DACH1: variants seen among roughly 807,000 people sequenced by gnomAD.
DACH1 encodes dachshund homolog 1.
Under a neutral mutation model 54.2 loss-of-function variants are expected in DACH1, and 12 were observed. The observed-to-expected ratio is 0.22, with a 90% CI of 0.14 to 0.36. The LOEUF is 0.36. DACH1 is among the 10% of genes least tolerant of loss of function. The pLI, the probability that DACH1 is intolerant of heterozygous loss-of-function variation, is 1.00. For missense variants in DACH1, 805 were observed against 929.8 expected (o/e 0.87, Z 1.75); for synonymous variants, 386 against 366.2 (o/e 1.05, Z -0.62).
intron 2 of DACH1, among the ~76,000 whole-genome samples, chr13:71,634,690 C>T (rs1173682504): frequency 6.6e-6 from 1 of 152,108 alleles, no homozygotes; most frequent in Non-Finnish European, 1.5e-5. Context: ...TGTACCTGAC[C>T]TTCCCCAATC....
intron 3 of DACH1, among the ~76,000 whole-genome samples, chr13:71,616,782 T>C (rs1018548827): frequency 6.6e-6 from 1 of 151,514 alleles, no homozygotes; most frequent in Non-Finnish European, 1.5e-5. Context: ...TTCAGAATAG[T>C]GTAAAAGTGG....
At chr13:71,839,273 T>C (rs1232660919) in intron 1 of DACH1, among the ~76,000 whole-genome samples, 1 of 152,116 alleles carries the variant, frequency 6.6e-6, no homozygotes, top group Non-Finnish European at 1.5e-5. Flanking sequence ...AAAATGTCAG[T>C]TCATACAGTA....
At chr13:71,595,998 A>T (rs944224332) in intron 3 of DACH1, among the ~76,000 whole-genome samples, 1 of 152,012 alleles carries the variant, frequency 6.6e-6, no homozygotes, top group Non-Finnish European at 1.5e-5. Context: ...CCAAGAACTT[A>T]TTTTTTTAGA....
intron 6 of DACH1, among the ~76,000 whole-genome samples, chr13:71,521,490 A>C (rs937048480): frequency 2.6e-5 from 4 of 152,054 alleles, no homozygotes; most frequent in Non-Finnish European, 4.4e-5. Context: ...ACCTATTTTA[A>C]AACACATTTT....
chr13:71,772,841 T>A (rs1035569346), intron 1 of DACH1, among the ~76,000 whole-genome samples: 1 of 151,782 alleles, frequency 6.6e-6, no homozygotes, highest in East Asian at 1.9e-4. Context: ...GTATGCTGAA[T>A]AAATGAGATC....
chr13:71,718,650 C>T (rs532644483), intron 1 of DACH1, among the ~76,000 whole-genome samples: 1 of 151,350 alleles, frequency 6.6e-6, no homozygotes, highest in South Asian at 2.1e-4. Context: ...AGCTAGATAA[C>T]TTACTCAGTA....
At chr13:71,779,246 C>CAT (rs1566495114) in intron 1 of DACH1, among the ~76,000 whole-genome samples, 29 of 72,724 alleles carry the variant, frequency 4.0e-4, no homozygotes, top group Non-Finnish European at 6.5e-4. Flanking sequence ...CACATATATA[C>CAT]GTATATACGT....
intron 1 of DACH1, among the ~76,000 whole-genome samples, chr13:71,760,993 A>C (rs1885379641): frequency 6.6e-6 from 1 of 152,014 alleles, no homozygotes; most frequent in Admixed American, 6.6e-5. Flanking sequence ...TGTTATCTTA[A>C]ATCCTTCATC....
intron 1 of DACH1, among the ~76,000 whole-genome samples, chr13:71,839,562 A>G (rs915416289): frequency 6.6e-6 from 1 of 152,146 alleles, no homozygotes; most frequent in African/African-American, 2.4e-5. Context: ...AGCAGAGATC[A>G]TGCCACTGCA....
At chr13:71,708,547 C>T (rs1386804809) in intron 1 of DACH1, among the ~76,000 whole-genome samples, 1 of 151,998 alleles carries the variant, frequency 6.6e-6, no homozygotes, top group Non-Finnish European at 1.5e-5. Flanking sequence ...CAAACTGCTA[C>T]CCTTTCTTGT....
chr13:71,593,867 A>T (rs956138741), intron 3 of DACH1, among the ~76,000 whole-genome samples: 3 of 151,882 alleles, frequency 2.0e-5, no homozygotes, highest in African/African-American at 7.2e-5. Context: ...AATTTGACTA[A>T]TAAGTATATT....
intron 3 of DACH1, among the ~76,000 whole-genome samples, chr13:71,583,759 TG>T (rs2138440310): frequency 6.6e-6 from 1 of 152,234 alleles, no homozygotes; most frequent in Admixed American, 6.5e-5. Flanking sequence ...TGCTTGAGCC[TG>T]GGAGGCAGAG....
intron 1 of DACH1, among the ~76,000 whole-genome samples, chr13:71,816,610 ATATATACACG>A (rs1183846250): frequency 0.012 from 1,198 of 98,470 alleles, 23 homozygotes; most frequent in Non-Finnish European, 0.02. Context: ...ATGTGTGTAT[ATATATACACG>A]TGTATATATA....
chr13:71,597,634 A>C (rs1874189427), intron 3 of DACH1, among the ~76,000 whole-genome samples: 1 of 152,172 alleles, frequency 6.6e-6, no homozygotes, highest in African/African-American at 2.4e-5. Flanking sequence ...AATTCAAATC[A>C]GTGGCCTTGG....
At chr13:71,847,404 TGC>T (rs1873354177) in intron 1 of DACH1, among the ~76,000 whole-genome samples, 1 of 152,218 alleles carries the variant, frequency 6.6e-6, no homozygotes, top group South Asian at 2.1e-4. Flanking sequence ...GCCTACTATG[TGC>T]TAGAAAGTAT....
intron 1 of DACH1, among the ~76,000 whole-genome samples, chr13:71,796,513 G>T (rs370741474): frequency 3.3e-5 from 5 of 151,960 alleles, no homozygotes; most frequent in Non-Finnish European, 5.9e-5. Flanking sequence ...TAATGTTTTG[G>T]TTTAATGAAT....
chr13:71,792,131 TA>T (rs1250202301), intron 1 of DACH1, among the ~76,000 whole-genome samples: 1 of 152,220 alleles, frequency 6.6e-6, no homozygotes, highest in Non-Finnish European at 1.5e-5. Flanking sequence ...GAGACCACTT[TA>T]ATACTTGTTA....
rs557475214 is a variant in DACH1 at position 71,711,629 on chromosome 13, CA to C, written c.849-29720del. On this transcript the variant is annotated intron_variant, in intron 1 of 10. Transcript: ENST00000613252. The stretch of plus-strand genomic sequence containing the variant: ...ACAGATTAAAATAATCATTTGTAAT[CA>C]AACCAGAATTAATTTTTTTTAAAAA... Among the ~76,000 whole-genome samples the C allele has an allele frequency of 4.1e-4, 62 of 152,148 alleles. 1 individual carries two copies. The East Asian group carries it at 8.7e-3, about 21-fold the overall frequency.
chr13:71,602,891 TG>T (rs1345792186), intron 3 of DACH1, among the ~76,000 whole-genome samples: 6 of 152,110 alleles, frequency 3.9e-5, no homozygotes, highest in Non-Finnish European at 5.9e-5. Flanking sequence ...TCATATGCTG[TG>T]AGTTAATAAT....
Sources: allele counts gnomAD v4.1 joint callset (sites outside exome capture counted in the v4.1 genomes callset), GRCh38; gene constraint gnomAD v4.1.1; transcripts MANE v1.5; gene names NCBI Gene and HGNC (gene_info 2026-07-23, HGNC 2026-07-21).